The following CEP112 variants were observed in gnomAD, a reference collection of about 807,000 sequenced individuals.
CEP112 encodes the protein centrosomal protein 112, also known as centrosomal protein of 112 kDa.
In CEP112, 127 loss-of-function variants were observed where a neutral mutation model predicts 153.0. The observed-to-expected ratio is 0.83, with a 90% CI of 0.72 to 0.96. The LOEUF (loss-of-function observed/expected upper bound fraction) is 0.96. CEP112 is among the 40% of genes least tolerant of loss of function. The pLI is 0.00. For synonymous variants in CEP112, 358 were observed against 374.4 expected (o/e 0.96, Z 0.51); for missense variants, 1,089 against 1,101.2 (o/e 0.99, Z 0.16).
rs530544507 is a variant in CEP112 at position 66,072,623 on chromosome 17, G to A, written c.769-2622C>T. On this transcript the variant is annotated intron_variant, in intron 8 of 26. Coordinates refer to ENST00000535342, the MANE Select transcript of CEP112 (RefSeq NM_001199165.4). ...CCTTTTTCATTGCATCATATTAGAA[G>A]GAGGCTAGTTTGTCCCAATATCTCC... Among the ~76,000 whole-genome samples the A allele has an allele frequency of 2.0e-5, 3 of 152,242 alleles. No homozygotes were observed. In the South Asian group the frequency reaches 6.2e-4, roughly 32 times the overall value.
At chr17:66,183,753 C>G (rs2072815157) in intron 1 of CEP112, among the ~76,000 whole-genome samples, 1 of 151,606 alleles carries the variant, frequency 6.6e-6, no homozygotes, top group Non-Finnish European at 1.5e-5. Context: ...GATGTCATAA[C>G]AATTGGATAT....
At chr17:65,695,500 C>T (rs930739710) in intron 23 of CEP112, among the ~76,000 whole-genome samples, 2 of 152,138 alleles carry the variant, frequency 1.3e-5, no homozygotes, top group African/African-American at 4.8e-5. Flanking sequence ...TATGTATAGT[C>T]TTACCAAAGT....
At chr17:65,900,013 CA>C (rs1360992659) in intron 20 of CEP112, among the ~76,000 whole-genome samples, 1 of 151,964 alleles carries the variant, frequency 6.6e-6, no homozygotes, top group Non-Finnish European at 1.5e-5. Flanking sequence ...TTATTTAGAC[CA>C]CAACCATGAA....
intron 19 of CEP112, among the ~76,000 whole-genome samples, chr17:65,926,093 A>T (rs1268717104): frequency 2.6e-5 from 4 of 151,776 alleles, no homozygotes; most frequent in African/African-American, 9.7e-5. Context: ...CAAAATCTCA[A>T]CTCCTTACAC....
At chr17:65,644,357 A>C in intron 24 of CEP112, 1 of 565,128 alleles carries the variant, frequency 1.8e-6, no homozygotes, top group Non-Finnish European at 3.2e-6. Flanking sequence ...GAGAAGCCGG[A>C]CAAGTTCAAG....
intron 1 of CEP112, among the ~76,000 whole-genome samples, chr17:66,184,723 G>A (rs1363306787): frequency 6.6e-6 from 1 of 152,104 alleles, no homozygotes; most frequent in Non-Finnish European, 1.5e-5. Flanking sequence ...CTCAGCCTAT[G>A]ACCCAGAAAT....
intron 21 of CEP112, among the ~76,000 whole-genome samples, chr17:65,804,988 A>T (rs1201888138): frequency 6.6e-6 from 1 of 151,948 alleles, no homozygotes; most frequent in East Asian, 1.9e-4. Flanking sequence ...AGATTGCAGT[A>T]CAGGTGCACA....
Position 65,644,295 on chromosome 17 carries a change from C to T in CEP112, c.2698-3230G>A, listed in dbSNP as rs564174488. On this transcript the variant is annotated intron_variant, in intron 24 of 26. Transcript: ENST00000535342. ...CTATCTGTTTTCCTAAGCTGGCACT[C>T]GGCAAGAAGGCCATGTTCCATTTGA... 146 of 570,466 alleles carry T rather than the reference C, an allele frequency of 2.6e-4. 1 individual carries two copies. The highest frequency in any genetic ancestry group is 2.3e-3 in the African/African-American group (121 of 53,074). The allele number at this position is 570,466 out of a possible 1,614,324, so 35.3% of individuals were successfully genotyped here.
chr17:65,843,457 T>C (rs958781582), intron 21 of CEP112, among the ~76,000 whole-genome samples: 7 of 152,118 alleles, frequency 4.6e-5, no homozygotes, highest in Admixed American at 2.6e-4. Flanking sequence ...GAAAAAGTCA[T>C]GGAAAAGATA....
intron 17 of CEP112, among the ~76,000 whole-genome samples, chr17:65,996,217 T>C (rs6504387): frequency 0.59 from 88,651 of 151,262 alleles, 27,413 homozygotes; most frequent in African/African-American, 0.73. Flanking sequence ...AATCATTATA[T>C]TTGTATCTTT....
chr17:65,722,344 G>A (rs1418437946), intron 23 of CEP112, among the ~76,000 whole-genome samples: 1 of 152,256 alleles, frequency 6.6e-6, no homozygotes, highest in Middle Eastern at 3.4e-3. Flanking sequence ...TGCCTCCTGG[G>A]TTCAAGGGAT....
chr17:66,023,708 ACC>A (rs1224366252), intron 16 of CEP112, among the ~76,000 whole-genome samples: 1 of 152,140 alleles, frequency 6.6e-6, no homozygotes, highest in Non-Finnish European at 1.5e-5. Context: ...AACTCCACCA[ACC>A]CACAAAGAGA....
intron 17 of CEP112, among the ~76,000 whole-genome samples, chr17:65,988,692 C>G (rs2063487191): frequency 6.6e-6 from 1 of 151,698 alleles, no homozygotes; most frequent in Non-Finnish European, 1.5e-5. Context: ...AACCTGTGAG[C>G]TTGACAACTG....
chr17:65,765,524 C>G (rs932106606), intron 21 of CEP112, among the ~76,000 whole-genome samples: 12 of 151,966 alleles, frequency 7.9e-5, no homozygotes, highest in Admixed American at 2.6e-4. Flanking sequence ...CTCCTGGGGG[C>G]AAAACTCACA....
chr17:65,699,290 C>T (rs964668847), intron 23 of CEP112, among the ~76,000 whole-genome samples: 3 of 152,218 alleles, frequency 2.0e-5, no homozygotes, highest in Admixed American at 2.0e-4. Context: ...CATTAACCAA[C>T]TCTATAAAGA....
At chr17:65,786,154 T>C (rs778515584) in intron 21 of CEP112, among the ~76,000 whole-genome samples, 9 of 152,230 alleles carry the variant, frequency 5.9e-5, no homozygotes, top group Non-Finnish European at 1.2e-4. Flanking sequence ...ATTCTATTCC[T>C]AAGTATTTAA....
intron 18 of CEP112, among the ~76,000 whole-genome samples, chr17:65,930,673 CTCAAGACTTTGGTT>C (rs2061087283): frequency 6.6e-6 from 1 of 152,182 alleles, no homozygotes; most frequent in African/African-American, 2.4e-5. Flanking sequence ...TTGTTTCTAA[CTCAAGACTTTGGTT>C]TCAAGACTCT....
intron 18 of CEP112, among the ~76,000 whole-genome samples, chr17:65,960,350 A>T (rs570943336): frequency 9.4e-4 from 143 of 152,276 alleles, no homozygotes; most frequent in Non-Finnish European, 1.5e-3. Context: ...TATAATTTTT[A>T]AAAAAACAAA....
At chr17:65,870,578 A>G (rs934282761) in intron 20 of CEP112, among the ~76,000 whole-genome samples, 4 of 152,204 alleles carry the variant, frequency 2.6e-5, no homozygotes, top group African/African-American at 7.2e-5. Context: ...GACTGACTGA[A>G]TGACACTGAA....
Sources: allele counts gnomAD v4.1 joint callset (sites outside exome capture counted in the v4.1 genomes callset), GRCh38; gene constraint gnomAD v4.1.1; transcripts MANE v1.5; gene names NCBI Gene and HGNC (gene_info 2026-07-23, HGNC 2026-07-21).